Variants in EML1 observed in about 807,000 individuals in gnomAD.
EML1 encodes EMAP like 1.
EML1 carries 27 observed loss-of-function variants against 110.4 expected under a neutral mutation model. That is an observed-to-expected ratio of 0.24 (90% CI 0.18 to 0.34). The LOEUF is 0.34. EML1 is among the 10% of genes least tolerant of loss of function. EML1 has a pLI of 1.00. For synonymous variants in EML1, 344 were observed against 385.8 expected (o/e 0.89, Z 1.27); for missense variants, 741 against 1,030.9 (o/e 0.72, Z 3.85).
chr14:99,835,011 G>A (rs1003198700), intron 1 of EML1, among the ~76,000 whole-genome samples: 4 of 151,596 alleles, frequency 2.6e-5, no homozygotes, highest in African/African-American at 9.7e-5. Context: ...TTGTAGAGAT[G>A]GGGTTTTCAT....
At chr14:99,820,523 G>A (rs935193224) in intron 1 of EML1, among the ~76,000 whole-genome samples, 2 of 152,166 alleles carry the variant, frequency 1.3e-5, no homozygotes, top group Non-Finnish European at 2.9e-5. Context: ...TTACCATTTG[G>A]TTAGAACACC....
intron 2 of EML1, among the ~76,000 whole-genome samples, chr14:99,852,579 C>T (rs1293401948): frequency 7.2e-5 from 11 of 152,056 alleles, no homozygotes; most frequent in East Asian, 1.9e-4. Context: ...GCACTCCAGC[C>T]GGGTGACAGA....
intron 1 of EML1, among the ~76,000 whole-genome samples, chr14:99,756,966 C>T (rs150995116): frequency 1.9e-3 from 291 of 152,198 alleles, no homozygotes; most frequent in Non-Finnish European, 3.3e-3. Context: ...CAATGACACG[C>T]AGTTCTACAC....
rs538796247 is a variant in EML1 at position 99,759,882 on chromosome 14, G to A, written c.28+22022G>A. Among the ~76,000 whole-genome samples, 29 of 152,170 alleles carry A rather than the reference G, an allele frequency of 1.9e-4. No homozygotes were observed. In the South Asian group the frequency reaches 5.4e-3, roughly 28 times the overall value. On this transcript the variant is annotated intron_variant, in intron 1 of 10. Coordinates refer to the EML1 transcript ENST00000554479. ...TAATCCCAGCCCTTTGGGAGGCCGA[G>A]GTGGGTGGGTCACCTGAGGTCAGAG...
At chr14:99,914,333 A>T in intron 14 of EML1, 29 bp downstream of exon 14, 1 of 1,596,656 alleles carries the variant, frequency 6.3e-7, no homozygotes, top group Non-Finnish European at 8.6e-7. Context: ...GGCCCGGCAA[A>T]CACTCTCATT....
chr14:99,788,131 G>A (rs148861638), intron 1 of EML1, among the ~76,000 whole-genome samples: 36 of 152,180 alleles, frequency 2.4e-4, no homozygotes, highest in African/African-American at 3.6e-4. Flanking sequence ...CTCTACCCAC[G>A]GCTGTTCTGG....
At chr14:99,831,562 T>C (rs899956542) in intron 1 of EML1, among the ~76,000 whole-genome samples, 2 of 152,192 alleles carry the variant, frequency 1.3e-5, no homozygotes, top group African/African-American at 4.8e-5. Context: ...GGCATACACT[T>C]CTGTGCTGGC....
At chr14:99,868,759 C>A (rs964275398) in intron 3 of EML1, among the ~76,000 whole-genome samples, 3 of 151,750 alleles carry the variant, frequency 2.0e-5, no homozygotes, top group African/African-American at 7.3e-5. Context: ...AAAAACAATT[C>A]TTGGTTTTGT....
At chr14:99,901,143 G>A in intron 9 of EML1, 104 bp downstream of exon 9, 1 of 959,502 alleles carries the variant, frequency 1.0e-6, no homozygotes, top group Non-Finnish European at 1.6e-6. Context: ...CTGCCTGGGT[G>A]TATGTACAGA....
intron 3 of EML1, among the ~76,000 whole-genome samples, chr14:99,876,887 A>G (rs2059301423): frequency 6.6e-6 from 1 of 152,196 alleles, no homozygotes; most frequent in African/African-American, 2.4e-5. Context: ...ATAAATGTGT[A>G]CCAAACTTTT....
At chr14:99,872,218 T>G (rs1000822153) in intron 3 of EML1, among the ~76,000 whole-genome samples, 1 of 152,098 alleles carries the variant, frequency 6.6e-6, no homozygotes, top group Non-Finnish European at 1.5e-5. Context: ...GAGGCCTGGG[T>G]CTTACACCCC....
intron 1 of EML1, among the ~76,000 whole-genome samples, chr14:99,748,735 G>C (rs2057141437): frequency 6.6e-6 from 1 of 152,208 alleles, no homozygotes; most frequent in African/African-American, 2.4e-5. Flanking sequence ...TATATTCAGA[G>C]TTGTGCAACC....
chr14:99,824,861 G>A (rs898887392), intron 1 of EML1, among the ~76,000 whole-genome samples: 1 of 152,182 alleles, frequency 6.6e-6, no homozygotes, highest in Non-Finnish European at 1.5e-5. Flanking sequence ...TTATGAGTAA[G>A]GACGTGCAGT....
At chr14:99,816,266 C>T (rs534404685) in intron 1 of EML1, among the ~76,000 whole-genome samples, 15 of 152,276 alleles carry the variant, frequency 9.9e-5, no homozygotes, top group African/African-American at 2.9e-4. Context: ...TGGGCTCAAG[C>T]GATTCTCCTG....
intron 17 of EML1, among the ~76,000 whole-genome samples, chr14:99,932,134 G>A (rs566948838): frequency 2.8e-4 from 43 of 152,284 alleles, no homozygotes; most frequent in Non-Finnish European, 5.3e-4. Context: ...CCATCTTTTC[G>A]TGCCTGTGCA....
intron 1 of EML1, among the ~76,000 whole-genome samples, chr14:99,795,109 G>A (rs942034874): frequency 2.6e-5 from 4 of 152,136 alleles, no homozygotes; most frequent in Admixed American, 6.6e-5. Context: ...ATCTGTGGGC[G>A]TATTATTGAC....
At chr14:99,854,184 C>T (rs2058861728) in intron 2 of EML1, among the ~76,000 whole-genome samples, 1 of 152,086 alleles carries the variant, frequency 6.6e-6, no homozygotes, top group Non-Finnish European at 1.5e-5. Context: ...GCTGCCGTAG[C>T]CGCTAGCTAG....
At chr14:99,750,215 C>A (rs8004746) in intron 1 of EML1, among the ~76,000 whole-genome samples, 3 of 152,174 alleles carry the variant, frequency 2.0e-5, no homozygotes, top group Non-Finnish European at 2.9e-5. Context: ...ATTCACGTTC[C>A]ATGCTGGAAT....
intron 1 of EML1, among the ~76,000 whole-genome samples, chr14:99,793,998 G>GTGTTTGGA (rs1330413977): frequency 6.6e-6 from 1 of 152,208 alleles, no homozygotes; most frequent in Non-Finnish European, 1.5e-5. Context: ...GATGCACGCA[G>GTGTTTGGA]TGTTTGGACC....
Sources: allele counts gnomAD v4.1 joint callset (sites outside exome capture counted in the v4.1 genomes callset), GRCh38; gene constraint gnomAD v4.1.1; transcripts MANE v1.5; gene names NCBI Gene and HGNC (gene_info 2026-07-23, HGNC 2026-07-21).